Variants in GABRA4 observed in about 807,000 individuals in gnomAD.
GABRA4 encodes gamma-aminobutyric acid receptor subunit alpha-4.
GABRA4 carries 12 observed loss-of-function variants against 49.7 expected under a neutral mutation model. That is an observed-to-expected ratio of 0.24 (90% CI 0.15 to 0.39). The LOEUF is 0.39. Ranked by LOEUF, GABRA4 falls within the 10% of genes least tolerant of loss-of-function variation. The pLI, the probability that GABRA4 is intolerant of heterozygous loss-of-function variation, is 1.00. For missense variants in GABRA4, 506 were observed against 686.0 expected (o/e 0.74, Z 2.93); for synonymous variants, 288 against 240.2 (o/e 1.20, Z -1.84).
At chr4:46,952,493 C>G (rs1722206118) in intron 8 of GABRA4, among the ~76,000 whole-genome samples, 1 of 151,994 alleles carries the variant, frequency 6.6e-6, no homozygotes, top group South Asian at 2.1e-4. Flanking sequence ...ACATAATATC[C>G]TCTAATTCAT....
At chr4:46,964,933 C>T (rs1276054168) in intron 8 of GABRA4, 37 bp downstream of exon 8, 1 of 1,505,392 alleles carries the variant, frequency 6.6e-7, no homozygotes, top group Non-Finnish European at 8.9e-7. Context: ...GACCAAGAAG[C>T]TAAAATCTTA....
intron 8 of GABRA4, among the ~76,000 whole-genome samples, chr4:46,960,774 A>G (rs891650286): frequency 1.3e-5 from 2 of 151,766 alleles, no homozygotes; most frequent in African/African-American, 4.8e-5. Flanking sequence ...TTTAAATAAA[A>G]CATAGTGAAA....
chr4:46,966,076 T>C (rs750846753), intron 7 of GABRA4, among the ~76,000 whole-genome samples: 10 of 151,542 alleles, frequency 6.6e-5, no homozygotes, highest in Admixed American at 6.6e-5. Flanking sequence ...GCAGAAAAAT[T>C]CTCCTTGCCA....
At chr4:46,984,325 T>C (rs1723462082) in intron 2 of GABRA4, among the ~76,000 whole-genome samples, 1 of 152,074 alleles carries the variant, frequency 6.6e-6, no homozygotes, top group Non-Finnish European at 1.5e-5. Flanking sequence ...CTTGAAGGGA[T>C]ACAACAAGGA....
In GABRA4 at chr4:46,919,675, A is replaced by G. The variant is rs1720902592; in HGVS notation, c.*8550T>C. On this transcript the variant is annotated 3_prime_UTR_variant, in exon 9 of 9. Coordinates refer to ENST00000264318, the MANE Select transcript of GABRA4 (RefSeq NM_000809.4). ...TTAAAATTATTCAAGAGAAGAAAGAAGGGAATGGACTTCATATTCCTCAGT... is the reference window on the plus strand; with the variant it reads ...TTAAAATTATTCAAGAGAAGAAAGAGGGGAATGGACTTCATATTCCTCAGT... 5 of 151,682 alleles carry G rather than the reference A, an allele frequency of 3.3e-5. No homozygotes were observed. In the South Asian group the frequency reaches 1.0e-3, roughly 31 times the overall value. 9.4% of individuals were successfully genotyped at this position (151,682 alleles called of 1,614,324 possible). A position where few individuals can be genotyped will look rare whatever the true frequency, so the allele number is the denominator to read the frequency against.
chr4:46,959,185 G>T (rs1182263923), intron 8 of GABRA4, among the ~76,000 whole-genome samples: 2 of 151,588 alleles, frequency 1.3e-5, no homozygotes, highest in Admixed American at 6.6e-5. Context: ...AATCTTTAAA[G>T]TTGTACTTGA....
Position 46,924,739 on chromosome 4 carries a change from C to T in GABRA4, c.*3486G>A, listed in dbSNP as rs1721150331. On this transcript the variant is annotated 3_prime_UTR_variant, in exon 9 of 9. Transcript: ENST00000264318. The stretch of plus-strand genomic sequence containing the variant: ...TCAAGCAGTAGAACTAAATTTTTGT[C>T]CATAAACACTTATTTGTGGTTCAAA... The T allele has an allele frequency of 6.6e-6, 1 of 151,942 alleles. No homozygotes were observed. The allele number at this position is 151,942 out of a possible 1,614,324, so 9.4% of individuals were successfully genotyped here. A position where few individuals can be genotyped will look rare whatever the true frequency, so the allele number is the denominator to read the frequency against.
Position 46,928,464 on chromosome 4 carries a change from G to T in GABRA4, c.1426C>A (p.Arg476Ser), listed in dbSNP as rs753789948. 1.2e-6 allele frequency: 2 copies of T among 1,613,686 alleles called. No individual in the cohort carries two copies. The highest frequency in any genetic ancestry group is 1.7e-6 in the Non-Finnish European group (2 of 1,179,726). ...RKASVGSAST[R>S]HVFGSRLQRI... ...TGCAGTCTTGATCCAAACACGTGAC[G>T]AGTAGAAGCAGATCCAACTGAAGCC... The change falls in exon 9 of 9, where the codon CGT (arginine) becomes AGT (serine). Residue 476 changes from arginine to serine, a missense_variant. Arg to Ser is a moderately radical substitution (Grantham distance 110). This residue lies in a region of GABRA4 where 243 missense variants were observed against 210.8 expected (regional missense o/e 1.15). Transcript: ENST00000264318.
rs777797897 is a variant in GABRA4 at position 46,979,018 on chromosome 4, C to T, written c.273+13G>A. ...AAGTCTCAAAAGGTACATTAAACTT[C>T]GAAAATACCTACCATTTCAACATCA... On this transcript the variant is annotated intron_variant, in intron 3 of 8. Coordinates refer to ENST00000264318, the MANE Select transcript of GABRA4 (RefSeq NM_000809.4). The T allele has an allele frequency of 1.5e-5, 23 of 1,583,094 alleles. No individual in the cohort carries two copies. The East Asian group carries it at 1.8e-4, about 12-fold the overall frequency.
chr4:46,928,401 C>T lies in GABRA4; in HGVS notation c.1489G>A (p.Gly497Arg). 1 of 1,613,640 alleles carries T rather than the reference C, an allele frequency of 6.2e-7. No individual in the cohort carries two copies. The highest frequency in any genetic ancestry group is 8.5e-7 in the Non-Finnish European group (1 of 1,179,680). Residue 497 changes from glycine to arginine, a missense_variant, in exon 9 of 9, where the codon GGG becomes AGG. Physicochemically the swap from Gly to Arg is moderately radical, Grantham distance 125 (BLOSUM62 -2). Around this residue, in one of 5 missense-constraint regions of GABRA4, gnomAD observed 243 missense variants for 210.8 expected, o/e 1.15. Coordinates refer to ENST00000264318, the MANE Select transcript of GABRA4 (RefSeq NM_000809.4). The part of the protein sequence containing the change: ...KTTVNTIGAT[G>R]KLSATPPPSA... ...GGAGGAGGAGTAGCTGACAACTTCC[C>T]AGTAGCCCCTATGGTATTAACTGTG...
At chr4:46,969,310 C>A (rs1163016985) in intron 7 of GABRA4, among the ~76,000 whole-genome samples, 1 of 151,412 alleles carries the variant, frequency 6.6e-6, no homozygotes, top group Non-Finnish European at 1.5e-5. Context: ...ATAGAAACTT[C>A]TGGGTTTTCC....
At chr4:46,933,465 AT>A (rs1721509779) in intron 8 of GABRA4, among the ~76,000 whole-genome samples, 1 of 152,174 alleles carries the variant, frequency 6.6e-6, no homozygotes, top group African/African-American at 2.4e-5. Context: ...TGTATATCAT[AT>A]CCTACATAAA....
At chr4:46,989,768 G>A (rs1723678231) in intron 2 of GABRA4, among the ~76,000 whole-genome samples, 1 of 152,182 alleles carries the variant, frequency 6.6e-6, no homozygotes, top group Admixed American at 6.5e-5. Context: ...AATGCCCCAC[G>A]AAGAGCAGAA....
intron 8 of GABRA4, among the ~76,000 whole-genome samples, chr4:46,939,957 T>C (rs1223717745): frequency 6.6e-6 from 1 of 152,020 alleles, no homozygotes; most frequent in Non-Finnish European, 1.5e-5. Flanking sequence ...CAGGCATAAA[T>C]AAATATTTAT....
intron 7 of GABRA4, among the ~76,000 whole-genome samples, chr4:46,968,759 C>T (rs1424460710): frequency 1.3e-5 from 2 of 151,408 alleles, no homozygotes; most frequent in African/African-American, 4.8e-5. Flanking sequence ...TCAATACTAG[C>T]CTTCCCCACA....
chr4:46,950,385 TA>T (rs888380949), intron 8 of GABRA4, among the ~76,000 whole-genome samples: 2 of 152,012 alleles, frequency 1.3e-5, no homozygotes, highest in African/African-American at 4.8e-5. Flanking sequence ...CTAACGAATT[TA>T]AAAATGCAAA....
In GABRA4 at chr4:46,977,402, A is replaced by T. The variant is rs1393959061; in HGVS notation, c.494+8T>A. On this transcript the variant is annotated splice_region_variant and intron_variant, in intron 4 of 8. Transcript: ENST00000264318. ...AAAAGGAAGGGAAGAAGTAAAAAAA[A>T]ATATTACCTCATTGTGTATAAAATA... 1 of 1,431,666 alleles carries T rather than the reference A, an allele frequency of 7.0e-7. No homozygotes were observed. The highest frequency in any genetic ancestry group is 9.6e-7 in the Non-Finnish European group (1 of 1,038,590). The allele number at this position is 1,431,666 out of a possible 1,614,324, so 88.7% of individuals were successfully genotyped here. A position where few individuals can be genotyped will look rare whatever the true frequency, so the allele number is the denominator to read the frequency against.
intron 2 of GABRA4, among the ~76,000 whole-genome samples, chr4:46,991,831 A>C (rs1460509752): frequency 2.0e-5 from 3 of 152,234 alleles, no homozygotes; most frequent in Admixed American, 6.5e-5. Flanking sequence ...GTGAACATTT[A>C]ATTAAATAAA....
rs182100698 is a variant in GABRA4 at position 46,940,695 on chromosome 4, T to A, written c.1135-11940A>T. Among the ~76,000 whole-genome samples the A allele has an allele frequency of 3.9e-5, 6 of 152,122 alleles. No individual in the cohort carries two copies. In the East Asian group the frequency reaches 9.7e-4, roughly 25 times the overall value. On this transcript the variant is annotated intron_variant, in intron 8 of 8. Transcript: ENST00000264318. ...AACTCAAGTTCTACTGTGACACCGA[T>A]TGGTAGCACTTACATTGTTAAACAG...
Sources: gnomAD v4.1 joint callset for allele counts (sites outside exome capture counted in the v4.1 genomes callset) on GRCh38, gnomAD v4.1.1 for gene constraint, gnomAD v4.1.1 regional missense constraint, MANE v1.5 for transcripts, NCBI Gene and HGNC (gene_info 2026-07-23, HGNC 2026-07-21) for gene names.